ABHD17B: variants seen among roughly 807,000 people sequenced by gnomAD.
ABHD17B encodes the protein alpha/beta hydrolase domain-containing protein 17B.
ABHD17B carries 9 observed loss-of-function variants against 26.2 expected under a neutral mutation model. The ratio of observed to expected loss-of-function variants is 0.34; its 90% CI spans 0.21 to 0.60. ABHD17B has a LOEUF of 0.60. ABHD17B is among the 20% of genes least tolerant of loss of function. ABHD17B has a pLI of 0.80. For synonymous variants in ABHD17B, 127 were observed against 122.3 expected (o/e 1.04, Z -0.25); for missense variants, 224 against 352.1 (o/e 0.64, Z 2.91).
intron 1 of ABHD17B, among the ~76,000 whole-genome samples, chr9:71,876,341 T>C (rs1826275521): frequency 2.0e-5 from 3 of 152,160 alleles, no homozygotes; most frequent in African/African-American, 7.2e-5. Context: ...ATACCTACAC[T>C]GAAGGACCTG....
In ABHD17B at chr9:71,898,571, G is replaced by A. The variant is rs144535950; in HGVS notation, c.-4+12063C>T. Among the ~76,000 whole-genome samples, 251 of 152,026 alleles carry A rather than the reference G, an allele frequency of 1.7e-3. 4 individuals are homozygous for A. In the East Asian group the frequency reaches 0.023, roughly 14 times the overall value. On this transcript the variant is annotated intron_variant, in intron 1 of 3. Coordinates refer to ENST00000333421, the MANE Select transcript of ABHD17B (RefSeq NM_001025780.3). Reference sequence around the variant, plus strand: ...GGAGAATCGCTTGAACCCAGGAAGCGAAGGCTGCGGTGAGCCAAGATCGTG... The same window carrying A: ...GGAGAATCGCTTGAACCCAGGAAGCAAAGGCTGCGGTGAGCCAAGATCGTG...
At chr9:71,892,459 G>A (rs373261673) in intron 1 of ABHD17B, among the ~76,000 whole-genome samples, 1 of 151,940 alleles carries the variant, frequency 6.6e-6, no homozygotes, top group South Asian at 2.1e-4. Flanking sequence ...CATGAACCCG[G>A]GAGGTGGAGC....
intron 1 of ABHD17B, among the ~76,000 whole-genome samples, chr9:71,896,824 C>T (rs1345922321): frequency 6.6e-6 from 1 of 152,066 alleles, no homozygotes; most frequent in Non-Finnish European, 1.5e-5. Context: ...GATTAAACCC[C>T]TGTATAGGTT....
chr9:71,878,036 T>C (rs891010807), intron 1 of ABHD17B, among the ~76,000 whole-genome samples: 1 of 152,196 alleles, frequency 6.6e-6, no homozygotes, highest in Non-Finnish European at 1.5e-5. Flanking sequence ...ATTGAATACT[T>C]TTTAAGTCTG....
chr9:71,865,063 A>G (rs1825916466), downstream of ABHD17B: 2 of 742,686 alleles, frequency 2.7e-6, no homozygotes, highest in South Asian at 1.2e-4. Flanking sequence ...AAAATTTTCA[A>G]ACTATGTCCT....
chr9:71,879,324 C>G (rs1826372399), intron 1 of ABHD17B, among the ~76,000 whole-genome samples: 1 of 152,118 alleles, frequency 6.6e-6, no homozygotes, highest in Admixed American at 6.5e-5. Context: ...AAATCCAGAA[C>G]AAAAACTTTG....
chr9:71,869,991 T>A (rs1397677778), intron 3 of ABHD17B, 92 bp downstream of exon 3: 2 of 1,177,122 alleles, frequency 1.7e-6, no homozygotes, highest in African/African-American at 3.1e-5. Context: ...AAATGAAGTT[T>A]ATGGTTGAGT....
At chr9:71,887,011 G>C (rs954926382) in intron 1 of ABHD17B, among the ~76,000 whole-genome samples, 3 of 152,132 alleles carry the variant, frequency 2.0e-5, no homozygotes, top group African/African-American at 7.2e-5. Context: ...GATATAGAGT[G>C]TAACAGTGCC....
At chr9:71,881,098 A>G (rs905816119) in intron 1 of ABHD17B, among the ~76,000 whole-genome samples, 2 of 150,800 alleles carry the variant, frequency 1.3e-5, no homozygotes, top group African/African-American at 4.9e-5. Flanking sequence ...TTCAAAACTC[A>G]TAATAAAGCA....
chr9:71,887,937 G>A (rs190446992), intron 1 of ABHD17B, among the ~76,000 whole-genome samples: 25 of 152,292 alleles, frequency 1.6e-4, no homozygotes, highest in Non-Finnish European at 3.2e-4. Context: ...AACTCAATTA[G>A]GCTATCTATA....
Position 71,867,980 on chromosome 9 carries a change from G to A in ABHD17B, c.648-974C>T, listed in dbSNP as rs147397183. Among the ~76,000 whole-genome samples the A allele has an allele frequency of 5.3e-5, 8 of 151,256 alleles. No homozygotes were observed. The East Asian group carries it at 1.6e-3, about 30-fold the overall frequency. ...TCGGCACTTTGGGAGGCCGTAGTGG[G>A]TGGATCACCTGAGGTCAGGAGTTCG... is the stretch of plus-strand genomic sequence containing the variant. On this transcript the variant is annotated intron_variant, in intron 3 of 3. Coordinates refer to ENST00000333421, the MANE Select transcript of ABHD17B (RefSeq NM_001025780.3).
chr9:71,875,624 G>A (rs762877974), intron 1 of ABHD17B, among the ~76,000 whole-genome samples: 7 of 152,296 alleles, frequency 4.6e-5, no homozygotes, highest in Non-Finnish European at 1.0e-4. Flanking sequence ...TCAAATAGCA[G>A]TGATTATTAT....
Position 71,866,826 on chromosome 9 carries a change from C to G in ABHD17B, c.828G>C (p.Arg276Ser). Reference sequence around the variant, plus strand: ...GTTCCTGTGACACAAACTGTTTCAACCTTTCAAGATACTGTCCATAAAGTT... The same window carrying G: ...GTTCCTGTGACACAAACTGTTTCAAGCTTTCAAGATACTGTCCATAAAGTT... ...DVELYGQYLE[R>S]LKQFVSQELV... is the part of the protein sequence containing the mutation. The change falls in exon 4 of 4, where the codon AGG becomes AGC. Residue 276 changes from arginine (R) to serine (S), a missense_variant. Physicochemically the swap from Arg to Ser is moderately radical, Grantham distance 110 (BLOSUM62 -1). Coordinates refer to ENST00000333421, the MANE Select transcript of ABHD17B (RefSeq NM_001025780.3). 6.2e-7 allele frequency: 1 copy of G among 1,614,164 alleles called. No homozygotes were observed. The highest frequency in any genetic ancestry group is 8.5e-7 in the Non-Finnish European group (1 of 1,180,020).
At chr9:71,872,368 G>A (rs2132132148) in intron 2 of ABHD17B, among the ~76,000 whole-genome samples, 1 of 152,094 alleles carries the variant, frequency 6.6e-6, no homozygotes, top group South Asian at 2.1e-4. Context: ...AATTAAGGCT[G>A]AAAATCATTT....
At chr9:71,899,833 G>T (rs1352875845) in intron 1 of ABHD17B, among the ~76,000 whole-genome samples, 1 of 147,086 alleles carries the variant, frequency 6.8e-6, no homozygotes, top group Non-Finnish European at 1.5e-5. Context: ...GCTAAATATG[G>T]CTCTCTTCCT....
In ABHD17B at chr9:71,866,598, G is replaced by A. The variant is rs574835262; in HGVS notation, c.*189C>T. On this transcript the variant is annotated 3_prime_UTR_variant, in exon 4 of 4. Transcript: ENST00000333421. The stretch of plus-strand genomic sequence containing the variant: ...TATAAATTACACAGCCTGACTGCAC[G>A]GTACTGTTATTTCCAGTTTTTAGTT... 5.7e-5 allele frequency: 81 copies of A among 1,417,352 alleles called. No individual in the cohort carries two copies. In the Middle Eastern group the frequency reaches 2.1e-3, roughly 37 times the overall value. The allele number at this position is 1,417,352 out of a possible 1,614,324, so 87.8% of individuals were successfully genotyped here. A position where few individuals can be genotyped will look rare whatever the true frequency, so the allele number is the denominator to read the frequency against.
At position 71,866,575 on chromosome 9, in the gene ABHD17B, T is replaced by A; in HGVS notation, c.*212A>T. ...TAAAAAAAAATTCACAGAAAAAATATAAATTACACAGCCTGACTGCACGGT... is the reference window on the plus strand; with the variant it reads ...TAAAAAAAAATTCACAGAAAAAATAAAAATTACACAGCCTGACTGCACGGT... On this transcript the variant is annotated 3_prime_UTR_variant, in exon 4 of 4. Transcript: ENST00000333421. The A allele has an allele frequency of 7.4e-7, 1 of 1,356,448 alleles. No individual in the cohort carries two copies. Among genetic ancestry groups the A allele is most frequent in the East Asian group, 2.7e-5 (1 of 36,552 alleles). 84.0% of individuals were successfully genotyped at this position (1,356,448 alleles called of 1,614,324 possible).
In ABHD17B at chr9:71,866,403, CA is replaced by C. The variant is rs537831181; in HGVS notation, c.*383del. 1.2e-4 allele frequency: 114 copies of C among 981,444 alleles called. 2 individuals are homozygous for C. The South Asian group carries it at 4.2e-3, about 37-fold the overall frequency. The allele number at this position is 981,444 out of a possible 1,614,324, so 60.8% of individuals were successfully genotyped here. A position where few individuals can be genotyped will look rare whatever the true frequency, so the allele number is the denominator to read the frequency against. Reference sequence around the variant, plus strand: ...ATACATAGCTTTTTTCAAAATATTACAGTTGTATTCCAGGATAAGATTTAAT... The same window carrying C: ...ATACATAGCTTTTTTCAAAATATTACGTTGTATTCCAGGATAAGATTTAAT... On this transcript the variant is annotated 3_prime_UTR_variant, in exon 4 of 4. Transcript: ENST00000333421.
chr9:71,878,813 C>A (rs1383070264), intron 1 of ABHD17B, among the ~76,000 whole-genome samples: 1 of 151,964 alleles, frequency 6.6e-6, no homozygotes, highest in Non-Finnish European at 1.5e-5. Flanking sequence ...TAAGACTTAA[C>A]CAAATCAAGT....
Sources: gnomAD v4.1 joint callset for allele counts (sites outside exome capture counted in the v4.1 genomes callset) on GRCh38, gnomAD v4.1.1 for gene constraint, MANE v1.5 for transcripts, NCBI Gene and HGNC (gene_info 2026-07-23, HGNC 2026-07-21) for gene names.